NELL1: variants seen among roughly 807,000 people sequenced by gnomAD.
The protein encoded by NELL1 is neural EGFL like 1.
Under a neutral mutation model 107.4 loss-of-function variants are expected in NELL1, and 76 were observed. The observed-to-expected ratio is 0.71, with a 90% confidence interval of 0.59 to 0.86. The LOEUF (loss-of-function observed/expected upper bound fraction) is 0.86. Ranked by LOEUF, NELL1 falls within the 40% of genes least tolerant of loss-of-function variation. NELL1 has a pLI of 0.00. For missense variants in NELL1, 1,024 were observed against 1,005.5 expected, an observed-to-expected ratio of 1.02 and a Z score of -0.25; for synonymous variants, 353 against 341.2, an observed-to-expected ratio of 1.03 and a Z score of -0.38.
At chr11:21,099,119 G>C (rs966069272) in intron 12 of NELL1, among the ~76,000 whole-genome samples, 1 of 150,440 alleles carries the variant, frequency 6.6e-6, no homozygotes, top group African/African-American at 2.4e-5. Context: ...CACTCAAAAG[G>C]CATAAATTCT....
chr11:21,483,278 C>T (rs1157865526), intron 15 of NELL1, among the ~76,000 whole-genome samples: 5 of 152,192 alleles, frequency 3.3e-5, no homozygotes, highest in Non-Finnish European at 7.3e-5. Context: ...GACCGAATCA[C>T]TTTACCATGA....
At chr11:20,774,186 C>T (rs1219117862) in intron 2 of NELL1, among the ~76,000 whole-genome samples, 4 of 99,618 alleles carry the variant, frequency 4.0e-5, no homozygotes, top group Admixed American at 4.0e-4. Flanking sequence ...CCCATCCCCT[C>T]CCCTCCCATC....
intron 14 of NELL1, among the ~76,000 whole-genome samples, chr11:21,360,635 G>A (rs1027793211): frequency 6.6e-6 from 1 of 152,050 alleles, no homozygotes; most frequent in Admixed American, 6.5e-5. Flanking sequence ...TTATTTCTTA[G>A]GTCTAGTAGT....
chr11:21,344,612 A>T (rs1339797790), intron 14 of NELL1, among the ~76,000 whole-genome samples: 1 of 152,192 alleles, frequency 6.6e-6, no homozygotes, highest in Non-Finnish European at 1.5e-5. Context: ...GATAGATGGT[A>T]TAAAGAGGAA....
At chr11:20,856,262 G>A (rs1848880457) in intron 4 of NELL1, among the ~76,000 whole-genome samples, 1 of 152,194 alleles carries the variant, frequency 6.6e-6, no homozygotes, top group African/African-American at 2.4e-5. Context: ...GGGTTGTAGA[G>A]TTGCAGAGCC....
intron 10 of NELL1, among the ~76,000 whole-genome samples, chr11:20,945,288 G>T (rs1850939406): frequency 2.0e-5 from 3 of 152,164 alleles, no homozygotes; most frequent in Admixed American, 6.5e-5. Flanking sequence ...ATCCCACCAT[G>T]GGCTCTGGAG....
chr11:21,062,651 GC>G (rs1281364699), intron 12 of NELL1, among the ~76,000 whole-genome samples: 1 of 152,058 alleles, frequency 6.6e-6, no homozygotes, highest in African/African-American at 2.4e-5. Context: ...GATCCTACAA[GC>G]TAAAGGGCAC....
intron 12 of NELL1, among the ~76,000 whole-genome samples, chr11:20,998,636 A>G (rs1852145080): frequency 6.6e-6 from 1 of 152,218 alleles, no homozygotes. Flanking sequence ...CCAAAGCAGC[A>G]GCTAATTTAA....
In NELL1 at chr11:21,575,139, T is replaced by A; in HGVS notation, c.*117T>A. The A allele has an allele frequency of 1.1e-6, 1 of 912,670 alleles. No individual in the cohort carries two copies. Among genetic ancestry groups the A allele is most frequent in the East Asian group, 2.6e-5 (1 of 38,020 alleles). The allele number at this position is 912,670 out of a possible 1,614,324, so 56.5% of individuals were successfully genotyped here. On this transcript the variant is annotated 3_prime_UTR_variant, in exon 20 of 20. Transcript: ENST00000357134. Reference sequence around the variant, plus strand: ...GTTTTGTTTTTTTAACCACAGATAATTGCCAAAGTTTCCACCTGAGGACGG... The same window carrying A: ...GTTTTGTTTTTTTAACCACAGATAAATGCCAAAGTTTCCACCTGAGGACGG...
intron 15 of NELL1, among the ~76,000 whole-genome samples, chr11:21,388,639 C>A (rs1216729751): frequency 6.6e-6 from 1 of 151,790 alleles, no homozygotes; most frequent in East Asian, 2.0e-4. Context: ...TAATATGAAT[C>A]ATTCAGTTCC....
chr11:21,210,515 A>G (rs1399977414), intron 13 of NELL1, among the ~76,000 whole-genome samples: 2 of 152,066 alleles, frequency 1.3e-5, no homozygotes, highest in Non-Finnish European at 2.9e-5. Flanking sequence ...CCTCTTAGCC[A>G]TTTCTGTATC....
intron 4 of NELL1, among the ~76,000 whole-genome samples, chr11:20,866,982 C>T (rs921242145): frequency 1.4e-4 from 22 of 152,142 alleles, no homozygotes; most frequent in African/African-American, 5.1e-4. Context: ...CTATGCATAG[C>T]TGGCTATGTT....
At chr11:20,719,220 C>T (rs767910998) in intron 2 of NELL1, among the ~76,000 whole-genome samples, 1 of 152,198 alleles carries the variant, frequency 6.6e-6, no homozygotes, top group Non-Finnish European at 1.5e-5. Flanking sequence ...TCTGGCCTTT[C>T]TCTAGGGAGG....
chr11:21,148,012 A>C (rs2133781758), intron 13 of NELL1, among the ~76,000 whole-genome samples: 1 of 152,264 alleles, frequency 6.6e-6, no homozygotes, highest in South Asian at 2.1e-4. Context: ...ACAAGGATTT[A>C]TCCCTCTTGG....
intron 13 of NELL1, among the ~76,000 whole-genome samples, chr11:21,226,238 G>A (rs75910878): frequency 0.019 from 2,819 of 152,258 alleles, 93 homozygotes; most frequent in African/African-American, 0.065. Flanking sequence ...TTTGGGAATA[G>A]GTCATCTATT....
chr11:21,019,325 C>G (rs762797333), intron 12 of NELL1, among the ~76,000 whole-genome samples: 2 of 152,062 alleles, frequency 1.3e-5, no homozygotes, highest in South Asian at 2.1e-4. Flanking sequence ...GAATAAAACA[C>G]AGCTGAACTT....
chr11:21,548,845 C>T (rs991989372), intron 16 of NELL1, among the ~76,000 whole-genome samples: 9 of 151,070 alleles, frequency 6.0e-5, no homozygotes, highest in African/African-American at 2.2e-4. Flanking sequence ...GGGCAAGTTA[C>T]TTGACCCTTT....
In NELL1 at chr11:21,219,719, A is replaced by G. The variant is rs547656650; in HGVS notation, c.1427-9613A>G. Among the ~76,000 whole-genome samples the G allele has an allele frequency of 3.3e-5, 5 of 152,288 alleles. No individual in the cohort carries two copies. In the East Asian group the frequency reaches 9.6e-4, roughly 29 times the overall value. On this transcript the variant is annotated intron_variant, in intron 13 of 19. Coordinates refer to ENST00000357134, the MANE Select transcript of NELL1 (RefSeq NM_006157.5). Reference sequence around the variant, plus strand: ...ATGAATATCCAGTTTTCCCAGCATCATTTAAGGAAGAGGTTGTCCTTTCTC... The same window carrying G: ...ATGAATATCCAGTTTTCCCAGCATCGTTTAAGGAAGAGGTTGTCCTTTCTC...
intron 2 of NELL1, among the ~76,000 whole-genome samples, chr11:20,711,800 A>T (rs983656811): frequency 4.6e-5 from 7 of 152,162 alleles, no homozygotes; most frequent in African/African-American, 1.7e-4. Context: ...CTTTTGTCTC[A>T]CAGCTCTTAA....
Sources: gnomAD v4.1 joint callset for allele counts (sites outside exome capture counted in the v4.1 genomes callset) on GRCh38, gnomAD v4.1.1 for gene constraint, MANE v1.5 for transcripts, NCBI Gene and HGNC (gene_info 2026-07-23, HGNC 2026-07-21) for gene names.